CNTNAP5: variants seen among roughly 807,000 people sequenced by gnomAD.
CNTNAP5 encodes the protein contactin-associated protein-like 5.
In CNTNAP5, 72 loss-of-function variants were observed where a neutral mutation model predicts 150.2. The observed-to-expected ratio is 0.48, with a 90% CI of 0.40 to 0.58. CNTNAP5 has a LOEUF of 0.58. Among genes scored for constraint, CNTNAP5 ranks in the 20% least tolerant of loss-of-function variants. The probability of loss-of-function intolerance (pLI) is 0.00; values close to 1 mark genes in which losing one functional copy is unlikely to be tolerated. For synonymous variants in CNTNAP5, 672 were observed against 619.8 expected, an observed-to-expected ratio of 1.08 and a Z score of -1.25; for missense variants, 1,636 against 1,626.2, an observed-to-expected ratio of 1.01 and a Z score of -0.10.
At chr2:124,327,635 A>T (rs1689251967) in intron 3 of CNTNAP5, among the ~76,000 whole-genome samples, 1 of 152,216 alleles carries the variant, frequency 6.6e-6, no homozygotes, top group African/African-American at 2.4e-5. Flanking sequence ...CCTTATTGTA[A>T]CCCAGACATT....
At chr2:124,452,071 T>G (rs1692995484) in intron 6 of CNTNAP5, among the ~76,000 whole-genome samples, 1 of 152,006 alleles carries the variant, frequency 6.6e-6, no homozygotes. Flanking sequence ...ATGAATCCAG[T>G]GTCCAGAATC....
At chr2:124,172,791 G>C (rs1196151481) in intron 1 of CNTNAP5, among the ~76,000 whole-genome samples, 1 of 151,936 alleles carries the variant, frequency 6.6e-6, no homozygotes, top group African/African-American at 2.4e-5. Context: ...GTGTGTGTGT[G>C]TGTGTGTGTG....
intron 1 of CNTNAP5, among the ~76,000 whole-genome samples, chr2:124,131,999 G>A (rs1458250912): frequency 6.6e-6 from 1 of 152,156 alleles, no homozygotes; most frequent in African/African-American, 2.4e-5. Context: ...GAGACCTAAG[G>A]AGACATGTAT....
At chr2:124,590,072 C>T (rs561308438) in intron 11 of CNTNAP5, among the ~76,000 whole-genome samples, 1 of 152,212 alleles carries the variant, frequency 6.6e-6, no homozygotes, top group South Asian at 2.1e-4. Flanking sequence ...CTCTCTCTCT[C>T]TGTCTCCCTG....
chr2:124,911,623 T>C, intron 23 of CNTNAP5, 85 bp downstream of exon 23: 2 of 1,094,036 alleles, frequency 1.8e-6, no homozygotes, highest in South Asian at 2.7e-5. Context: ...TCCTTAATTA[T>C]GGCCATCCAG....
At chr2:124,692,011 G>A (rs1679309994) in intron 13 of CNTNAP5, among the ~76,000 whole-genome samples, 1 of 151,986 alleles carries the variant, frequency 6.6e-6, no homozygotes, top group Admixed American at 6.6e-5. Context: ...TTGTGCTCTT[G>A]GTATCTAACA....
intron 13 of CNTNAP5, among the ~76,000 whole-genome samples, chr2:124,727,167 G>C (rs1457677950): frequency 2.0e-5 from 3 of 151,928 alleles, no homozygotes; most frequent in Non-Finnish European, 4.4e-5. Flanking sequence ...TCATTTTGAG[G>C]TTATTTATTC....
At chr2:124,609,778 C>T (rs753240882) in intron 11 of CNTNAP5, 23 bp from the exon 12 acceptor site, 1 of 1,610,888 alleles carries the variant, frequency 6.2e-7, no homozygotes, top group Non-Finnish European at 8.5e-7. Context: ...AAAGTTTTAT[C>T]TCTGCTGCCT....
At chr2:124,896,222 G>A (rs980780461) in intron 21 of CNTNAP5, among the ~76,000 whole-genome samples, 3 of 151,486 alleles carry the variant, frequency 2.0e-5, no homozygotes, top group African/African-American at 7.3e-5. Context: ...AAATGTAAAA[G>A]TAAAGAAAAT....
chr2:124,625,655 G>T (rs1677706282), intron 12 of CNTNAP5, among the ~76,000 whole-genome samples: 2 of 152,144 alleles, frequency 1.3e-5, no homozygotes, highest in Admixed American at 1.3e-4. Flanking sequence ...CTGAACACAG[G>T]GCTTATCCTG....
intron 1 of CNTNAP5, among the ~76,000 whole-genome samples, chr2:124,039,498 C>T (rs1681309416): frequency 6.6e-6 from 1 of 152,140 alleles, no homozygotes; most frequent in Non-Finnish European, 1.5e-5. Context: ...ATAAATGGAC[C>T]TTTGGGCTCC....
chr2:124,087,494 G>C (rs111993642), intron 1 of CNTNAP5, among the ~76,000 whole-genome samples: 7,514 of 151,800 alleles, frequency 0.049, 267 homozygotes, highest in South Asian at 0.12. Flanking sequence ...GAGGCCAAGG[G>C]GGGCAGATCA....
At chr2:124,377,341 T>G (rs1490001972) in intron 3 of CNTNAP5, among the ~76,000 whole-genome samples, 1 of 151,642 alleles carries the variant, frequency 6.6e-6, no homozygotes, top group Non-Finnish European at 1.5e-5. Context: ...GAATAAGGAG[T>G]GTAAAAGGTG....
intron 19 of CNTNAP5, among the ~76,000 whole-genome samples, chr2:124,820,606 A>T (rs1415690179): frequency 6.6e-6 from 1 of 150,628 alleles, no homozygotes; most frequent in African/African-American, 2.5e-5. Context: ...CTATCAGTGG[A>T]GTTCTTGTAT....
chr2:124,575,923 G>A (rs1459896726), intron 11 of CNTNAP5, among the ~76,000 whole-genome samples: 5 of 152,208 alleles, frequency 3.3e-5, no homozygotes, highest in Non-Finnish European at 5.9e-5. Flanking sequence ...ACCTCCGTTA[G>A]GCTTTCCCTT....
At chr2:124,381,670 T>G (rs1558876242) in intron 3 of CNTNAP5, among the ~76,000 whole-genome samples, 1 of 152,086 alleles carries the variant, frequency 6.6e-6, no homozygotes, top group Non-Finnish European at 1.5e-5. Context: ...GCTTGACTAC[T>G]ACAAAGTTTG....
At chr2:124,865,547 A>T in intron 20 of CNTNAP5, 111 bp downstream of exon 20, 1 of 983,134 alleles carries the variant, frequency 1.0e-6, no homozygotes, top group Non-Finnish European at 1.5e-6. Flanking sequence ...AAACATAGTT[A>T]CAAATCACAC....
At chr2:124,242,144 G>T (rs1002826396) in intron 2 of CNTNAP5, 56 bp from the exon 3 acceptor site, 1 of 1,368,028 alleles carries the variant, frequency 7.3e-7, no homozygotes, top group Non-Finnish European at 1.0e-6. Context: ...GTTGAAAATT[G>T]TAGCTATGTG....
intron 1 of CNTNAP5, among the ~76,000 whole-genome samples, chr2:124,115,648 CT>C (rs10666342): frequency 0.04 from 4,935 of 123,644 alleles, 83 homozygotes; most frequent in African/African-American, 0.06. Context: ...GTATAATAGT[CT>C]TTTTTTTTTT....
Sources: gnomAD v4.1 joint callset for allele counts (sites outside exome capture counted in the v4.1 genomes callset) on GRCh38, gnomAD v4.1.1 for gene constraint, MANE v1.5 for transcripts, NCBI Gene and HGNC (gene_info 2026-07-23, HGNC 2026-07-21) for gene names.